Variants in SANBR observed in about 807,000 individuals in gnomAD.
SANBR encodes the protein SANT and BTB domain regulator of CSR.
SANBR carries 77 observed loss-of-function variants against 101.8 expected under a neutral mutation model. The ratio of observed to expected loss-of-function variants is 0.76; its 90% CI spans 0.63 to 0.91. The LOEUF is 0.91. SANBR is among the 40% of genes least tolerant of loss of function. SANBR has a pLI of 0.00. For synonymous variants in SANBR, 279 were observed against 274.7 expected (o/e 1.02, Z -0.15); for missense variants, 875 against 853.0 (o/e 1.03, Z -0.32).
At chr2:61,070,565 A>G in intron 3 of SANBR, 65 bp downstream of exon 3, 1 of 1,442,056 alleles carries the variant, frequency 6.9e-7, no homozygotes, top group Non-Finnish European at 9.5e-7. Context: ...ATTTAAAGAA[A>G]CACCAAGAGA....
In SANBR at chr2:61,118,131, C is replaced by A; in HGVS notation, c.2028+15C>A. ...AAGCAAAAGAAGTAAGAATTGTGTA[C>A]TAGTGTATTGTACTTGTGTAAAATA... On this transcript the variant is annotated intron_variant, in intron 20 of 21. Coordinates refer to ENST00000402291, the MANE Select transcript of SANBR (RefSeq NM_001129993.3). The A allele has an allele frequency of 6.4e-7, 1 of 1,565,470 alleles. No homozygotes were observed. The highest frequency in any genetic ancestry group is 8.8e-7 in the Non-Finnish European group (1 of 1,138,122).
chr2:61,089,731 G>A (rs1337756047), intron 10 of SANBR: 1 of 152,240 alleles, frequency 6.6e-6, no homozygotes, highest in East Asian at 1.9e-4. Flanking sequence ...TTCAAAACAA[G>A]TTCTCATTCT....
At chr2:61,080,504 C>T (rs1682056934) in intron 6 of SANBR, among the ~76,000 whole-genome samples, 1 of 152,100 alleles carries the variant, frequency 6.6e-6, no homozygotes. Flanking sequence ...GGGCGGATCA[C>T]GAGGTGAAGA....
intron 7 of SANBR, 129 bp downstream of exon 7, chr2:61,081,639 T>A: frequency 9.6e-7 from 1 of 1,043,990 alleles, no homozygotes; most frequent in Non-Finnish European, 1.3e-6. Context: ...AAAAAATTGT[T>A]AATTCAGGAA....
chr2:61,116,279 C>T (rs1378078569), intron 17 of SANBR, among the ~76,000 whole-genome samples: 1 of 152,006 alleles, frequency 6.6e-6, no homozygotes, highest in African/African-American at 2.4e-5. Flanking sequence ...AGTATGCTAC[C>T]ATTTGTGTAA....
At chr2:61,134,492 G>C (rs1684786510) in intron 21 of SANBR, among the ~76,000 whole-genome samples, 1 of 152,142 alleles carries the variant, frequency 6.6e-6, no homozygotes, top group South Asian at 2.1e-4. Flanking sequence ...TTTCTGTGTG[G>C]TATTGTGCTC....
rs149874019 is a variant in SANBR at position 61,077,857 on chromosome 2, T to C, written c.670+699T>C. Among the ~76,000 whole-genome samples the C allele has an allele frequency of 3.7e-3, 569 of 152,312 alleles. 5 individuals are homozygous for C. Among genetic ancestry groups the C allele is most frequent in the Middle Eastern group, 0.01 (3 of 294 alleles). On this transcript the variant is annotated intron_variant, in intron 6 of 21. Transcript: ENST00000402291. Reference sequence around the variant, plus strand: ...GAGAGAACAACTGACAGAGAAATAATGGTAATTCAGACTTAGGTGTTTGGC... The same window carrying C: ...GAGAGAACAACTGACAGAGAAATAACGGTAATTCAGACTTAGGTGTTTGGC...
intron 11 of SANBR, among the ~76,000 whole-genome samples, chr2:61,094,961 A>G (rs1424692593): frequency 6.6e-6 from 1 of 151,862 alleles, no homozygotes; most frequent in Non-Finnish European, 1.5e-5. Flanking sequence ...CTTTCTTATT[A>G]CCTAGGAGTA....
chr2:61,106,416 G>GAAAAAAAAAAAAAAAAAAAAAA (rs1559125251), intron 13 of SANBR, 147 bp from the exon 14 acceptor site: 1 of 330,006 alleles, frequency 3.0e-6, no homozygotes, highest in African/African-American at 2.6e-5. Context: ...AAAAAAAAAG[G>GAAAAAAAAAAAAAAAAAAAAAA]AAATGTCATT....
At chr2:61,071,451 G>A (rs528422611) in intron 3 of SANBR, among the ~76,000 whole-genome samples, 155 bp from the exon 4 acceptor site, 1 of 151,928 alleles carries the variant, frequency 6.6e-6, no homozygotes, top group East Asian at 1.9e-4. Flanking sequence ...TCAGGAGGCT[G>A]AGGCAGGAGA....
At chr2:61,085,255 G>C (rs1467932243) in intron 8 of SANBR, among the ~76,000 whole-genome samples, 1 of 152,026 alleles carries the variant, frequency 6.6e-6, no homozygotes, top group Non-Finnish European at 1.5e-5. Flanking sequence ...CCCTAAAAGT[G>C]GTGAAGACAT....
chr2:61,081,680 G>C (rs1194331393), intron 7 of SANBR, among the ~76,000 whole-genome samples, 170 bp downstream of exon 7: 1 of 151,898 alleles, frequency 6.6e-6, no homozygotes, highest in Non-Finnish European at 1.5e-5. Context: ...ACAGAGTCTC[G>C]CTCTGTCACC....
chr2:61,115,957 A>C, intron 16 of SANBR, 22 bp from the exon 17 acceptor site: 1 of 1,505,922 alleles, frequency 6.6e-7, no homozygotes, highest in Non-Finnish European at 9.1e-7. Context: ...CTAAGTTTAT[A>C]ACATTGTCTT....
intron 7 of SANBR, among the ~76,000 whole-genome samples, chr2:61,082,131 C>G (rs898401373): frequency 6.6e-6 from 1 of 152,094 alleles, no homozygotes; most frequent in African/African-American, 2.4e-5. Context: ...CTCGGCCACC[C>G]AAAGTGCTGG....
intron 6 of SANBR, among the ~76,000 whole-genome samples, chr2:61,077,771 A>G (rs571777342): frequency 6.6e-6 from 1 of 152,336 alleles, no homozygotes; most frequent in Non-Finnish European, 1.5e-5. Context: ...CACTTGTGCG[A>G]TTATTTTCAG....
chr2:61,119,321 G>A (rs911018916), intron 20 of SANBR, among the ~76,000 whole-genome samples: 1 of 151,966 alleles, frequency 6.6e-6, no homozygotes, highest in Non-Finnish European at 1.5e-5. Context: ...GTGACCTTAG[G>A]AAAATATTTC....
intron 20 of SANBR, among the ~76,000 whole-genome samples, chr2:61,133,589 CA>C (rs1239516568): frequency 1.3e-5 from 2 of 151,134 alleles, no homozygotes; most frequent in African/African-American, 4.9e-5. Context: ...CCTATCTCTA[CA>C]AAAAAAATTA....
downstream of SANBR, among the ~76,000 whole-genome samples, chr2:61,126,649 A>G (rs1160836639): frequency 9.2e-5 from 14 of 152,016 alleles, no homozygotes; most frequent in Non-Finnish European, 1.5e-5. Context: ...AAAAAATAGA[A>G]AAATTAGCTG....
In SANBR at chr2:61,123,293, G is replaced by C; in HGVS notation, c.*1131G>C. ...AACTGACATTTCTTCAAATTATTCA[G>C]AGAACAGACTTTAATAATGTGTGAC... On this transcript the variant is annotated 3_prime_UTR_variant, in exon 22 of 22. Coordinates refer to ENST00000402291, the MANE Select transcript of SANBR (RefSeq NM_001129993.3). The C allele has an allele frequency of 1.0e-6, 1 of 980,590 alleles. No individual in the cohort carries two copies. The highest frequency in any genetic ancestry group is 1.7e-5 in the African/African-American group (1 of 57,214). 60.7% of individuals were successfully genotyped at this position (980,590 alleles called of 1,614,324 possible).
Sources: allele counts gnomAD v4.1 joint callset (sites outside exome capture counted in the v4.1 genomes callset), GRCh38; gene constraint gnomAD v4.1.1; transcripts MANE v1.5; gene names NCBI Gene and HGNC (gene_info 2026-07-23, HGNC 2026-07-21).